The following ZNF248 variants were observed in gnomAD, a reference collection of about 807,000 sequenced individuals.
ZNF248 encodes zinc finger protein 248.
A neutral mutation model predicts 44.3 loss-of-function variants in ZNF248; 20 were observed. The observed-to-expected ratio is 0.45, with a 90% CI of 0.32 to 0.66. The LOEUF is 0.66. Among genes scored for constraint, ZNF248 ranks in the 30% least tolerant of loss-of-function variants. ZNF248 has a pLI of 0.04. For missense variants in ZNF248, 654 were observed against 677.0 expected, an observed-to-expected ratio of 0.97 and a Z score of 0.38; for synonymous variants, 224 against 229.0, an observed-to-expected ratio of 0.98 and a Z score of 0.20.
chr10:37,832,413 G>A lies in ZNF248; in HGVS notation c.942C>T (p.Ile314=), dbSNP rs774531112. 9.3e-6 allele frequency: 15 copies of A among 1,613,820 alleles called. No homozygotes were observed. In the Admixed American group the frequency reaches 2.5e-4, roughly 27 times the overall value. ...EIFCDNSAFI[I]HQGAYTRKIL... is the part of the protein sequence containing the mutation. ...TCTTTCTTGTGTAAGCTCCCTGATG[G>A]ATAATGAAAGCTGAATTGTCACAGA... Residue 314 remains isoleucine (I), a synonymous_variant, in exon 6 of 6, where the codon ATC becomes ATT. Coordinates refer to ENST00000395867, the MANE Select transcript of ZNF248 (RefSeq NM_021045.3).
In ZNF248 at chr10:37,835,019, T is replaced by A. The variant is rs2056823252; in HGVS notation, c.239-1903A>T. On this transcript the variant is annotated intron_variant, in intron 5 of 5. Coordinates refer to ENST00000395867, the MANE Select transcript of ZNF248 (RefSeq NM_021045.3). The stretch of plus-strand genomic sequence containing the variant: ...GAAAGTCAGCCCTTGACACAAAGGT[T>A]TAAAACTAAAAAAAGAAAAGAAAAG... 2.0e-5 allele frequency among the ~76,000 whole-genome samples: 3 copies of A among 151,810 alleles called. No individual in the cohort carries two copies. The South Asian group carries it at 6.2e-4, about 31-fold the overall frequency.
downstream of ZNF248, among the ~76,000 whole-genome samples, chr10:37,826,964 T>C (rs1488517526): frequency 6.6e-6 from 1 of 152,182 alleles, no homozygotes; most frequent in Non-Finnish European, 1.5e-5. Flanking sequence ...ACCAAGTTAC[T>C]TTAGGGAAGT....
chr10:37,806,957 G>T (rs1249417855), intron 6 of ZNF248, among the ~76,000 whole-genome samples: 1 of 150,878 alleles, frequency 6.6e-6, no homozygotes, highest in East Asian at 2.0e-4. Context: ...TCATTCTTTT[G>T]CATGTCAATA....
At chr10:37,828,162 G>A (rs767806698), downstream of ZNF248, among the ~76,000 whole-genome samples, 8 of 152,050 alleles carry the variant, frequency 5.3e-5, no homozygotes, top group Admixed American at 3.9e-4. Context: ...AGGGTCTCAC[G>A]AAACAGAATT....
chr10:37,814,714 C>T (rs1342424826), intron 6 of ZNF248, among the ~76,000 whole-genome samples: 1 of 152,196 alleles, frequency 6.6e-6, no homozygotes, highest in Non-Finnish European at 1.5e-5. Flanking sequence ...CAACCCACTG[C>T]CTTCTGGCCT....
chr10:37,785,473 C>A (rs915995384), intron 6 of ZNF248, among the ~76,000 whole-genome samples: 2 of 152,196 alleles, frequency 1.3e-5, no homozygotes, highest in African/African-American at 4.8e-5. Flanking sequence ...TGGGCCTGAA[C>A]AGGTCTCAGC....
chr10:37,810,380 T>C (rs549493706), intron 6 of ZNF248, among the ~76,000 whole-genome samples: 1 of 152,334 alleles, frequency 6.6e-6, no homozygotes, highest in East Asian at 1.9e-4. Context: ...TGTTCATTAT[T>C]GCTATATCTT....
intron 3 of ZNF248, among the ~76,000 whole-genome samples, chr10:37,850,252 C>G (rs184028282): frequency 2.0e-5 from 3 of 152,100 alleles, no homozygotes; most frequent in African/African-American, 7.2e-5. Flanking sequence ...TAATACAGAA[C>G]AGTCATAAAT....
At chr10:37,797,942 G>A (rs192832850) in intron 6 of ZNF248, among the ~76,000 whole-genome samples, 128 of 152,184 alleles carry the variant, frequency 8.4e-4, no homozygotes, top group Middle Eastern at 6.8e-3. Context: ...ATATGACTCA[G>A]CAAGTCTACT....
rs1238431642 is a variant in ZNF248 at position 37,793,136 on chromosome 10, G to A, written c.331-16561C>T. ...ATCACAAGGTCAGGAGATCAAGACC[G>A]GTTTGGCCAACATGGTGAAACCCCA... On this transcript the variant is annotated intron_variant, in intron 6 of 6. Transcript: ENST00000615949. Among the ~76,000 whole-genome samples, 7 of 151,984 alleles carry A rather than the reference G, an allele frequency of 4.6e-5. No individual in the cohort carries two copies. The East Asian group carries it at 5.8e-4, about 13-fold the overall frequency.
At chr10:37,825,426 C>T (rs118097972), downstream of ZNF248, among the ~76,000 whole-genome samples, 508 of 152,074 alleles carry the variant, frequency 3.3e-3, 1 homozygote, top group South Asian at 0.014. Context: ...CAATGGTGGG[C>T]GCACATTTCC....
At chr10:37,821,481 C>T (rs1474181431) in intron 6 of ZNF248, among the ~76,000 whole-genome samples, 1 of 152,200 alleles carries the variant, frequency 6.6e-6, no homozygotes, top group Non-Finnish European at 1.5e-5. Flanking sequence ...CCAGCTCTTA[C>T]TAGACGGCCT....
intron 5 of ZNF248, among the ~76,000 whole-genome samples, chr10:37,833,798 T>C (rs1207741616): frequency 6.6e-6 from 1 of 152,038 alleles, no homozygotes; most frequent in African/African-American, 2.4e-5. Context: ...ACTCAAGACA[T>C]GATAAACAGG....
rs551073605 is a variant in ZNF248, at chr10:37,813,174, G to GT, written c.330+19850dup. On this transcript the variant is annotated intron_variant, in intron 6 of 6. Transcript: ENST00000615949. ...CACTTCCAAAGCCCGACCATGAGGC[G>GT]TAAGACGTAGAAGAACGTACAAGAA... is the stretch of plus-strand genomic sequence containing the variant. Among the ~76,000 whole-genome samples, 111 of 152,244 alleles carry GT rather than the reference G, an allele frequency of 7.3e-4. 3 individuals are homozygous for GT. In the East Asian group the frequency reaches 0.02, roughly 28 times the overall value.
Position 37,829,351 on chromosome 10 carries a change from G to A in ZNF248, c.*2264C>T. The A allele has an allele frequency of 1.0e-6, 1 of 985,392 alleles. No individual in the cohort carries two copies. Among genetic ancestry groups the A allele is most frequent in the Non-Finnish European group, 1.2e-6 (1 of 829,932 alleles). The allele number at this position is 985,392 out of a possible 1,614,324, so 61.0% of individuals were successfully genotyped here. A position where few individuals can be genotyped will look rare whatever the true frequency, so the allele number is the denominator to read the frequency against. On this transcript the variant is annotated 3_prime_UTR_variant, in exon 6 of 6. Transcript: ENST00000395867. ...TTTCTGGCCCACACCACTGTAATCAGTCTGCCATTAAAATATTTTTAGTTG... is the reference window on the plus strand; with the variant it reads ...TTTCTGGCCCACACCACTGTAATCAATCTGCCATTAAAATATTTTTAGTTG...
intron 6 of ZNF248, among the ~76,000 whole-genome samples, chr10:37,783,461 T>A (rs558173046): frequency 6.6e-6 from 1 of 152,178 alleles, no homozygotes; most frequent in African/African-American, 2.4e-5. Flanking sequence ...GATATGGCAG[T>A]GTGGTCTTAT....
At chr10:37,807,319 T>G (rs546853795) in intron 6 of ZNF248, among the ~76,000 whole-genome samples, 2 of 152,204 alleles carry the variant, frequency 1.3e-5, no homozygotes, top group Non-Finnish European at 2.9e-5. Flanking sequence ...TATAGCTTTG[T>G]AATAACTCTT....
intron 4 of ZNF248, 111 bp downstream of exon 4, chr10:37,837,874 G>T: frequency 6.9e-7 from 1 of 1,451,704 alleles, no homozygotes. Flanking sequence ...GTGGCCAAAT[G>T]GGATCAGTCA....
chr10:37,779,208 C>CA (rs1161658874), intron 6 of ZNF248, among the ~76,000 whole-genome samples: 3 of 152,028 alleles, frequency 2.0e-5, no homozygotes, highest in East Asian at 3.9e-4. Context: ...AGAGACACAA[C>CA]AAAAAAAGAG....
Sources: gnomAD v4.1 joint callset for allele counts (sites outside exome capture counted in the v4.1 genomes callset) on GRCh38, gnomAD v4.1.1 for gene constraint, MANE v1.5 for transcripts, NCBI Gene and HGNC (gene_info 2026-07-23, HGNC 2026-07-21) for gene names.